ELMO1: variants seen among roughly 807,000 people sequenced by gnomAD.
The protein encoded by ELMO1 is engulfment and cell motility 1.
ELMO1 carries 26 observed loss-of-function variants against 98.9 expected under a neutral mutation model. The observed-to-expected ratio is 0.26, with a 90% CI of 0.19 to 0.36. The LOEUF is 0.36. ELMO1 is among the 10% of genes least tolerant of loss of function. The pLI is 1.00. For synonymous variants in ELMO1, 346 were observed against 346.0 expected (o/e 1.00, Z 0.00); for missense variants, 627 against 935.2 (o/e 0.67, Z 4.30).
chr7:37,126,053 A>C (rs1447622013), intron 14 of ELMO1, among the ~76,000 whole-genome samples: 1 of 152,044 alleles, frequency 6.6e-6, no homozygotes, highest in Admixed American at 6.5e-5. Flanking sequence ...AAGGACAAAA[A>C]ACCAAACATC....
chr7:37,319,743 AC>A (rs1799382312), intron 2 of ELMO1, among the ~76,000 whole-genome samples: 1 of 152,168 alleles, frequency 6.6e-6, no homozygotes, highest in African/African-American at 2.4e-5. Context: ...CATTTACAAG[AC>A]ACTAAGTCTC....
intron 13 of ELMO1, among the ~76,000 whole-genome samples, chr7:37,144,802 TG>T (rs1270855169): frequency 2.0e-5 from 3 of 152,200 alleles, no homozygotes; most frequent in African/African-American, 7.2e-5. Flanking sequence ...AGGCGCTGTT[TG>T]GGTATCTAGT....
chr7:37,043,652 G>T (rs1160303368), intron 15 of ELMO1, among the ~76,000 whole-genome samples: 2 of 152,188 alleles, frequency 1.3e-5, no homozygotes, highest in Non-Finnish European at 2.9e-5. Context: ...TATCCCAGAC[G>T]AATTAAATCA....
chr7:36,944,017 G>C (rs1037240160), intron 16 of ELMO1, among the ~76,000 whole-genome samples: 1 of 152,164 alleles, frequency 6.6e-6, no homozygotes, highest in African/African-American at 2.4e-5. Flanking sequence ...GAGCAAGATG[G>C]AGGTGGGGAG....
chr7:36,902,403 T>C (rs1475915810), intron 16 of ELMO1, among the ~76,000 whole-genome samples: 1 of 152,236 alleles, frequency 6.6e-6, no homozygotes, highest in East Asian at 1.9e-4. Flanking sequence ...GAAGGGGTGA[T>C]GAGACCTAAT....
chr7:37,254,397 T>C (rs185751226), intron 6 of ELMO1, among the ~76,000 whole-genome samples: 3 of 152,328 alleles, frequency 2.0e-5, no homozygotes, highest in Admixed American at 1.3e-4. Flanking sequence ...TTATTATAAA[T>C]ACAGTCATGT....
chr7:36,933,028 C>G (rs1786175476), intron 16 of ELMO1, among the ~76,000 whole-genome samples: 2 of 152,206 alleles, frequency 1.3e-5, no homozygotes, highest in Non-Finnish European at 2.9e-5. Context: ...GAAGCTATCA[C>G]TTCTGTCCCA....
chr7:37,103,835 G>A (rs6972543), intron 14 of ELMO1, among the ~76,000 whole-genome samples: 150,376 of 150,376 alleles, frequency 1, 75,188 homozygotes, highest in Non-Finnish European at 1. Context: ...TCTCTACTAA[G>A]AATACAAAAT....
intron 16 of ELMO1, among the ~76,000 whole-genome samples, chr7:36,967,785 C>G (rs1311345388): frequency 6.6e-6 from 1 of 152,176 alleles, no homozygotes; most frequent in Non-Finnish European, 1.5e-5. Flanking sequence ...TGCAACCTAG[C>G]TAATATCTTC....
intron 13 of ELMO1, among the ~76,000 whole-genome samples, chr7:37,201,746 A>ATGGC (rs1428447564): frequency 6.6e-6 from 1 of 152,206 alleles, no homozygotes; most frequent in Non-Finnish European, 1.5e-5. Flanking sequence ...CTGAGAGCCA[A>ATGGC]TGGCTGTGTG....
At chr7:36,960,794 G>A (rs555942693) in intron 16 of ELMO1, among the ~76,000 whole-genome samples, 6 of 152,238 alleles carry the variant, frequency 3.9e-5, no homozygotes, top group Non-Finnish European at 7.4e-5. Flanking sequence ...ATAAGACTTT[G>A]ATGAAGATCA....
intron 13 of ELMO1, among the ~76,000 whole-genome samples, chr7:37,193,888 A>T (rs895460992): frequency 6.6e-6 from 1 of 152,210 alleles, no homozygotes; most frequent in African/African-American, 2.4e-5. Context: ...ACTCTAGTAC[A>T]CACTTAGAGA....
chr7:36,869,476 A>G (rs2129039495), intron 20 of ELMO1, among the ~76,000 whole-genome samples: 1 of 152,362 alleles, frequency 6.6e-6, no homozygotes, highest in African/African-American at 2.4e-5. Flanking sequence ...TGATTGGTAA[A>G]TAGATTGTGT....
At chr7:37,055,884 T>C in intron 15 of ELMO1, among the ~76,000 whole-genome samples, 1 of 152,186 alleles carries the variant, frequency 6.6e-6, no homozygotes, top group East Asian at 1.9e-4. Flanking sequence ...GTCCTATCTG[T>C]AGTCTCGGCT....
chr7:37,253,548 C>T (rs898250970), intron 6 of ELMO1, among the ~76,000 whole-genome samples: 5 of 151,836 alleles, frequency 3.3e-5, no homozygotes, highest in Admixed American at 2.0e-4. Flanking sequence ...AGACACAGGG[C>T]GGGGAACATC....
At chr7:37,099,450 T>C (rs1030252571) in intron 14 of ELMO1, among the ~76,000 whole-genome samples, 3 of 152,200 alleles carry the variant, frequency 2.0e-5, no homozygotes, top group Non-Finnish European at 4.4e-5. Flanking sequence ...TTTGAAAAGC[T>C]CCATTTGGAA....
chr7:37,354,535 C>G (rs1307725179), intron 1 of ELMO1, among the ~76,000 whole-genome samples: 1 of 152,230 alleles, frequency 6.6e-6, no homozygotes, highest in Non-Finnish European at 1.5e-5. Context: ...TCCCTTCACT[C>G]CAAGCTCTCT....
chr7:36,899,512 G>A (rs1429034769), intron 16 of ELMO1, among the ~76,000 whole-genome samples: 3 of 151,998 alleles, frequency 2.0e-5, no homozygotes. Context: ...ACATGCTTTT[G>A]GAATCTACAT....
chr7:37,205,270 C>T (rs1792550187), intron 13 of ELMO1, among the ~76,000 whole-genome samples: 1 of 152,230 alleles, frequency 6.6e-6, no homozygotes, highest in East Asian at 1.9e-4. Flanking sequence ...TTAACAACTA[C>T]TGAACCATTG....
Sources: gnomAD v4.1 joint callset for allele counts (sites outside exome capture counted in the v4.1 genomes callset) on GRCh38, gnomAD v4.1.1 for gene constraint, MANE v1.5 for transcripts, NCBI Gene and HGNC (gene_info 2026-07-23, HGNC 2026-07-21) for gene names.